PPEF1: variants seen among roughly 807,000 people sequenced by gnomAD.
PPEF1 encodes the protein protein phosphatase with EF-hand domain 1, also known as serine/threonine-protein phosphatase with EF-hands 1.
PPEF1 carries 12 observed loss-of-function variants against 53.3 expected under a neutral mutation model. The observed-to-expected ratio is 0.23, with a 90% confidence interval of 0.14 to 0.36. PPEF1 has a LOEUF of 0.36. Among genes scored for constraint, PPEF1 ranks in the 10% least tolerant of loss-of-function variants. The pLI, the probability that PPEF1 is intolerant of heterozygous loss-of-function variation, is 1.00. For synonymous variants in PPEF1, 165 were observed against 176.7 expected (o/e 0.93, Z 0.52); for missense variants, 334 against 490.4 (o/e 0.68, Z 3.01).
At chrX:18,726,952 G>A (rs776795741) in intron 1 of PPEF1, among the ~76,000 whole-genome samples, 25 of 112,358 alleles carry the variant, frequency 2.2e-4, no homozygotes, top group Admixed American at 1.6e-3. Context: ...GTGAGCCATC[G>A]CACTTGGCCA....
At chrX:18,777,556 G>T (rs1481352746) in intron 6 of PPEF1, among the ~76,000 whole-genome samples, 1 of 108,166 alleles carries the variant, frequency 9.2e-6, no homozygotes, top group Non-Finnish European at 1.9e-5. Context: ...GTCTTGCTGT[G>T]TCGCCCAGGC....
At position 18,731,283 on chromosome X, in the gene PPEF1, G is replaced by A. The variant is rs185053686; in HGVS notation, c.174+975G>A. Among the ~76,000 whole-genome samples, 956 of 112,267 alleles carry A rather than the reference G, an allele frequency of 8.5e-3. 10 individuals carry two copies. The highest frequency in any genetic ancestry group is 0.029 in the African/African-American group (909 of 30,904). ...GGTATTGGTGGGTGTGGGTTGGGAT[G>A]TTAAGAGGGACTTCTCATTTTTATT... On this transcript the variant is annotated intron_variant, in intron 2 of 15. Coordinates refer to ENST00000470157, the MANE Select transcript of PPEF1 (RefSeq NM_001377996.1).
chrX:18,719,688 T>C lies in PPEF1; in HGVS notation c.47-10493T>C, dbSNP rs770398558. Among the ~76,000 whole-genome samples the C allele has an allele frequency of 6.3e-5, 7 of 111,438 alleles. No individual in the cohort carries two copies. The South Asian group carries it at 2.7e-3, about 42-fold the overall frequency. On this transcript the variant is annotated intron_variant, in intron 1 of 15. Transcript: ENST00000470157. ...TAAGGAACCTTTCATGAGATGGCTT[T>C]ATGTCATCTTCATGTTGTTCCATTG... is the stretch of plus-strand genomic sequence containing the variant.
chrX:18,744,817 G>A (rs1027662344), intron 3 of PPEF1, among the ~76,000 whole-genome samples: 3 of 107,673 alleles, frequency 2.8e-5, no homozygotes, highest in African/African-American at 1.0e-4. Context: ...TGTTTACCAT[G>A]TGCCATGTAT....
intron 7 of PPEF1, 90 bp from the exon 8 acceptor site, chrX:18,782,276 T>C (rs1253517969): frequency 2.9e-5 from 21 of 724,155 alleles, no homozygotes; most frequent in Non-Finnish European, 4.4e-5. Flanking sequence ...TTGTGATAGA[T>C]ACTGAGATGC....
intron 4 of PPEF1, among the ~76,000 whole-genome samples, chrX:18,692,942 T>C (rs1325619166): frequency 8.9e-6 from 1 of 112,038 alleles, no homozygotes; most frequent in Non-Finnish European, 1.9e-5. Flanking sequence ...ATCAGTGGTG[T>C]TCTCTCTTAT....
intron 4 of PPEF1, among the ~76,000 whole-genome samples, chrX:18,695,693 C>A (rs1236159321): frequency 8.9e-6 from 1 of 112,504 alleles, no homozygotes; most frequent in Non-Finnish European, 1.9e-5. Context: ...TAAACTCAAG[C>A]CATCGAGGAC....
At chrX:18,738,095 C>CT (rs1260399494) in intron 3 of PPEF1, among the ~76,000 whole-genome samples, 40 of 110,853 alleles carry the variant, frequency 3.6e-4, no homozygotes, top group African/African-American at 1.3e-3. Context: ...CAGTCTGTGT[C>CT]TTTTAATTGG....
intron 12 of PPEF1, among the ~76,000 whole-genome samples, chrX:18,806,831 C>T (rs1331176451): frequency 2.7e-5 from 3 of 111,676 alleles, no homozygotes; most frequent in African/African-American, 6.5e-5. Flanking sequence ...CACTCAGTCC[C>T]CCAACCTACA....
chrX:18,802,278 C>T (rs1272778544), intron 10 of PPEF1, among the ~76,000 whole-genome samples: 1 of 110,294 alleles, frequency 9.1e-6, no homozygotes, highest in Non-Finnish European at 1.9e-5. Flanking sequence ...GCCATGTTTA[C>T]CCAGGCTGCT....
At chrX:18,696,760 G>A (rs925104763) in intron 4 of PPEF1, among the ~76,000 whole-genome samples, 1 of 111,395 alleles carries the variant, frequency 9.0e-6, no homozygotes, top group African/African-American at 3.3e-5. Flanking sequence ...AGCATCAGGA[G>A]GCTAGCTCAG....
intron 5 of PPEF1, among the ~76,000 whole-genome samples, chrX:18,699,356 C>T (rs1038876267): frequency 2.7e-5 from 3 of 111,656 alleles, no homozygotes; most frequent in African/African-American, 9.8e-5. Flanking sequence ...AGGAATCGAG[C>T]TAAAGAGCAG....
At chrX:18,756,939 GTGGCTCACACCT>G (rs2045560626) in intron 4 of PPEF1, among the ~76,000 whole-genome samples, 1 of 111,672 alleles carries the variant, frequency 9.0e-6, no homozygotes, top group African/African-American at 3.3e-5. Context: ...GCTGGGGGTG[GTGGCTCACACCT>G]ATAATCCCAA....
intron 5 of PPEF1, 23 bp downstream of exon 5, chrX:18,757,764 C>A: frequency 9.0e-7 from 1 of 1,112,755 alleles, no homozygotes; most frequent in South Asian, 1.9e-5. Context: ...GCAGAGTTGT[C>A]CAATTAATAT....
intron 9 of PPEF1, among the ~76,000 whole-genome samples, chrX:18,787,768 A>AGAAAG (rs199883137): frequency 2.9e-5 from 3 of 103,782 alleles, no homozygotes; most frequent in Admixed American, 2.1e-4. Context: ...AAAAAAAAAA[A>AGAAAG]AAAGAAAGAA....
At chrX:18,788,288 G>C (rs181555202) in intron 9 of PPEF1, among the ~76,000 whole-genome samples, 961 of 78,437 alleles carry the variant, frequency 0.012, 21 homozygotes, top group African/African-American at 0.047. Context: ...CTGGGGGACA[G>C]AGCAAGACTC....
intron 3 of PPEF1, among the ~76,000 whole-genome samples, chrX:18,688,361 A>G (rs921251231): frequency 1.8e-5 from 2 of 112,612 alleles, no homozygotes; most frequent in African/African-American, 6.5e-5. Flanking sequence ...CTCTCACATC[A>G]TATAAAATCC....
At chrX:18,751,811 A>T (rs2045450687) in intron 4 of PPEF1, among the ~76,000 whole-genome samples, 1 of 112,176 alleles carries the variant, frequency 8.9e-6, no homozygotes, top group South Asian at 3.7e-4. Flanking sequence ...TCTATAGGCC[A>T]TAGATATCTG....
chrX:18,776,239 GGTTGGTTT>G (rs1462099152), intron 6 of PPEF1, among the ~76,000 whole-genome samples: 9 of 110,753 alleles, frequency 8.1e-5, no homozygotes, highest in East Asian at 5.7e-4. Flanking sequence ...TTGGTTGGTT[GGTTGGTTT>G]GTTTTAGACA....
Sources: allele counts gnomAD v4.1 joint callset (sites outside exome capture counted in the v4.1 genomes callset), GRCh38; gene constraint gnomAD v4.1.1; transcripts MANE v1.5; gene names NCBI Gene and HGNC (gene_info 2026-07-23, HGNC 2026-07-21).